KLRG1: variants seen among roughly 807,000 people sequenced by gnomAD.
KLRG1 encodes killer cell lectin-like receptor subfamily G member 1.
Under a neutral mutation model 21.8 loss-of-function variants are expected in KLRG1, and 16 were observed. The ratio of observed to expected loss-of-function variants is 0.73; its 90% CI spans 0.50 to 1.11. KLRG1 has a LOEUF of 1.11. KLRG1 is among the 50% of genes most tolerant of loss of function. KLRG1 has a pLI of 0.00. For missense variants in KLRG1, 173 were observed against 218.3 expected (o/e 0.79, Z 1.31); for synonymous variants, 69 against 75.9 (o/e 0.91, Z 0.47).
the KLRG1 span, chr12:9,169,586 A>G: frequency 3.1e-6 from 5 of 1,607,776 alleles, no homozygotes; most frequent in Admixed American, 1.7e-5. Context: ...TTAGCAGATT[A>G]TATACCTGTA....
At chr12:9,074,751 G>A in the KLRG1 span, 3 of 1,613,524 alleles carry the variant, frequency 1.9e-6, no homozygotes, top group East Asian at 2.2e-5. Flanking sequence ...GGTGCCTTGG[G>A]TTTCTGAGGG....
At chr12:9,052,787 G>T in the KLRG1 span, 2 of 427,392 alleles carry the variant, frequency 4.7e-6, no homozygotes, top group Non-Finnish European at 9.1e-6. Flanking sequence ...ATTTAAAAAT[G>T]GGATTAATAA....
chr12:9,007,715 G>A (rs1565554189), intron 3 of KLRG1, among the ~76,000 whole-genome samples: 1 of 152,138 alleles, frequency 6.6e-6, no homozygotes, highest in Non-Finnish European at 1.5e-5. Context: ...ATCAAAATGG[G>A]ACATCTGGTG....
At chr12:9,113,655 A>C in the KLRG1 span, 2 of 1,063,160 alleles carry the variant, frequency 1.9e-6, no homozygotes, top group Non-Finnish European at 2.7e-6. Flanking sequence ...CCAAGAGAAG[A>C]TGTACTGATG....
chr12:9,077,566 C>T, the KLRG1 span: 2 of 1,482,558 alleles, frequency 1.3e-6, no homozygotes, highest in Non-Finnish European at 1.8e-6. Context: ...TTGTTCTATC[C>T]CCTCTTTTTT....
chr12:8,955,104 A>G (rs1946267596), intron 1 of KLRG1, among the ~76,000 whole-genome samples: 5 of 152,026 alleles, frequency 3.3e-5, no homozygotes, highest in Admixed American at 1.3e-4. Context: ...TTTAGTAGAG[A>G]TGGGGTTTCA....
Position 9,009,642 on chromosome 12 carries a change from C to T in KLRG1, c.*105C>T. On this transcript the variant is annotated 3_prime_UTR_variant, in exon 5 of 5. Coordinates refer to ENST00000356986, the MANE Select transcript of KLRG1 (RefSeq NM_005810.4). Reference sequence around the variant, plus strand: ...GCCATGAGTATATAGTTAGCAAATACTGAACTTTCTCAGATATGGCATTAG... The same window carrying T: ...GCCATGAGTATATAGTTAGCAAATATTGAACTTTCTCAGATATGGCATTAG... The T allele has an allele frequency of 6.7e-7, 1 of 1,482,928 alleles. No individual in the cohort carries two copies. The highest frequency in any genetic ancestry group is 1.4e-5 in the South Asian group (1 of 72,308). 91.9% of individuals were successfully genotyped at this position (1,482,928 alleles called of 1,614,324 possible).
the KLRG1 span, chr12:9,027,822 A>AT: frequency 5.0e-5 from 59 of 1,172,338 alleles, no homozygotes; most frequent in African/African-American, 7.0e-4. Context: ...CACCATGACC[A>AT]TGAAGTTTTC....
chr12:9,133,825 C>G, the KLRG1 span, among the ~76,000 whole-genome samples: 1 of 152,144 alleles, frequency 6.6e-6, no homozygotes, highest in South Asian at 2.1e-4. Flanking sequence ...GCTACCTATA[C>G]ACACTATTAA....
the KLRG1 span, chr12:9,160,383 T>C: frequency 1.7e-5 from 28 of 1,614,052 alleles, no homozygotes; most frequent in Non-Finnish European, 2.1e-5. Context: ...TTCAGATAGT[T>C]CAAGACATAG....
chr12:9,190,821 T>C, the KLRG1 span, among the ~76,000 whole-genome samples: 1 of 152,188 alleles, frequency 6.6e-6, no homozygotes, highest in Non-Finnish European at 1.5e-5. Context: ...TGAAGAATAG[T>C]GTGAAAAGAG....
At chr12:9,179,697 G>A in the KLRG1 span, among the ~76,000 whole-genome samples, 2 of 152,186 alleles carry the variant, frequency 1.3e-5, no homozygotes, top group African/African-American at 4.8e-5. Flanking sequence ...GTGACCAAAA[G>A]TGATTCTATT....
intron 1 of KLRG1, among the ~76,000 whole-genome samples, chr12:8,956,489 G>T (rs923246842): frequency 1.3e-5 from 2 of 152,024 alleles, no homozygotes; most frequent in African/African-American, 4.8e-5. Flanking sequence ...CTATCACCCA[G>T]ACTGGAGTGC....
the KLRG1 span, among the ~76,000 whole-genome samples, chr12:9,071,816 G>GT: frequency 1.3e-5 from 2 of 152,174 alleles, no homozygotes; most frequent in African/African-American, 2.4e-5. Flanking sequence ...CATGTATTTT[G>GT]TCCTAACTTT....
the KLRG1 span, among the ~76,000 whole-genome samples, chr12:9,140,259 G>C: frequency 6.6e-6 from 1 of 152,204 alleles, no homozygotes; most frequent in African/African-American, 2.4e-5. Context: ...CCTAGGCATA[G>C]TAGTAGGGGG....
the KLRG1 span, chr12:9,135,369 C>T: frequency 3.1e-6 from 1 of 318,548 alleles, no homozygotes; most frequent in East Asian, 1.0e-4. Context: ...AGTGAACTCA[C>T]ACTCTGGGTT....
chr12:8,969,815 A>G (rs1294078469), intron 1 of KLRG1, among the ~76,000 whole-genome samples: 1 of 152,190 alleles, frequency 6.6e-6, no homozygotes, highest in African/African-American at 2.4e-5. Context: ...ATTCTAAGCC[A>G]TGAAAAGCAT....
At chr12:8,980,839 G>A (rs1173175049) in intron 1 of KLRG1, among the ~76,000 whole-genome samples, 1 of 152,130 alleles carries the variant, frequency 6.6e-6, no homozygotes, top group Non-Finnish European at 1.5e-5. Flanking sequence ...GTGGCAGTGG[G>A]GATGGCTGCT....
At chr12:9,184,779 G>A in the KLRG1 span, among the ~76,000 whole-genome samples, 1 of 152,192 alleles carries the variant, frequency 6.6e-6, no homozygotes, top group Non-Finnish European at 1.5e-5. Flanking sequence ...CAGAGTTACA[G>A]CATGCAATCC....
Sources: allele counts gnomAD v4.1 joint callset (sites outside exome capture counted in the v4.1 genomes callset), GRCh38; gene constraint gnomAD v4.1.1; transcripts MANE v1.5; gene names NCBI Gene and HGNC (gene_info 2026-07-23, HGNC 2026-07-21).